PTGER3: variants seen among roughly 807,000 people sequenced by gnomAD.
The protein encoded by PTGER3 is prostaglandin E2 receptor EP3 subtype.
A neutral mutation model predicts 34.7 loss-of-function variants in PTGER3; 22 were observed. The observed-to-expected ratio is 0.63, with a 90% CI of 0.45 to 0.91. The LOEUF is 0.91. Among genes scored for constraint, PTGER3 ranks in the 40% least tolerant of loss-of-function variants. The probability of loss-of-function intolerance (pLI) is 0.00; values close to 1 mark genes in which losing one functional copy is unlikely to be tolerated. For missense variants in PTGER3, 468 were observed against 519.4 expected (o/e 0.90, Z 0.96); for synonymous variants, 241 against 230.1 (o/e 1.05, Z -0.43).
At chr1:70,959,008 G>A (rs1331547690) in intron 2 of PTGER3, among the ~76,000 whole-genome samples, 1 of 151,962 alleles carries the variant, frequency 6.6e-6, no homozygotes, top group Admixed American at 6.6e-5. Context: ...TTTATTTCTT[G>A]GTTCTCTATT....
At chr1:71,004,734 T>C (rs920720883) in intron 2 of PTGER3, among the ~76,000 whole-genome samples, 2 of 152,338 alleles carry the variant, frequency 1.3e-5, no homozygotes, top group South Asian at 2.1e-4. Context: ...GAGGCATCAA[T>C]AGAAAGATGA....
chr1:70,983,352 T>C (rs1036762233), intron 2 of PTGER3, among the ~76,000 whole-genome samples: 1 of 152,186 alleles, frequency 6.6e-6, no homozygotes, highest in African/African-American at 2.4e-5. Context: ...GAGTCAGTTA[T>C]TGAATATCAG....
At chr1:70,967,371 G>T (rs1158745587), downstream of PTGER3, among the ~76,000 whole-genome samples, 1 of 151,862 alleles carries the variant, frequency 6.6e-6, no homozygotes, top group Non-Finnish European at 1.5e-5. Context: ...TTCTCTGTAG[G>T]TGCTTTAAGT....
chr1:71,000,091 A>G (rs1192137970), intron 2 of PTGER3, among the ~76,000 whole-genome samples: 1 of 152,240 alleles, frequency 6.6e-6, no homozygotes, highest in Non-Finnish European at 1.5e-5. Context: ...CCAGACATTG[A>G]TAATAGAGTC....
Position 70,959,352 on chromosome 1 carries a change from A to AT in PTGER3, c.1078-5564dup, listed in dbSNP as rs11299533. Among the ~76,000 whole-genome samples the AT allele has an allele frequency of 5.0e-3, 674 of 135,464 alleles. 3 individuals carry two copies. The highest frequency in any genetic ancestry group is 9.2e-3 in the African/African-American group (334 of 36,312). The allele number at this position is 135,464 out of a possible 152,430, so 88.9% of individuals were successfully genotyped here. A position where few individuals can be genotyped will look rare whatever the true frequency, so the allele number is the denominator to read the frequency against. ...TTTCAATTTATTTGTGTCCTCTTCA[A>AT]TTTTTTTTTTTTTTTTGAGATGGAG... is the stretch of plus-strand genomic sequence containing the variant. On this transcript the variant is annotated intron_variant, in intron 2 of 3. Coordinates refer to the PTGER3 transcript ENST00000356595.
rs141818135 is a variant in PTGER3 at position 70,982,309 on chromosome 1, T to A, written c.1078-7921A>T. On this transcript the variant is annotated intron_variant, in intron 2 of 3. Transcript: ENST00000306666. ...CAGTCTTACACCTGCTGCCTCTCAC[T>A]TTGGGAATATCATTTGTGATTGGAC... Among the ~76,000 whole-genome samples the A allele has an allele frequency of 8.7e-4, 133 of 152,274 alleles. 1 individual carries two copies. Among genetic ancestry groups the A allele is most frequent in the African/African-American group, 3.1e-3 (127 of 41,542 alleles).
intron 4 of PTGER3, among the ~76,000 whole-genome samples, chr1:70,946,045 G>C (rs949365367): frequency 5.3e-5 from 8 of 152,038 alleles, no homozygotes; most frequent in Non-Finnish European, 1.0e-4. Context: ...CGAAACGGTA[G>C]CCAATATAGG....
At position 70,856,484 on chromosome 1, in the gene PTGER3, A is replaced by G. The variant is rs148395891; in HGVS notation, c.*24-3625T>C. ...AGCAGACATTGATAGTAACATCAGC[A>G]TCAAAACAGAGTTGCATTTCCCCAA... On this transcript the variant is annotated intron_variant, in intron 4 of 4. Transcript: ENST00000370931. 1.9e-4 allele frequency among the ~76,000 whole-genome samples: 29 copies of G among 151,544 alleles called. 1 individual carries two copies. The East Asian group carries it at 4.6e-3, about 24-fold the overall frequency.
At chr1:70,945,543 G>C (rs79290889) in intron 4 of PTGER3, among the ~76,000 whole-genome samples, 1 of 151,886 alleles carries the variant, frequency 6.6e-6, no homozygotes, top group Non-Finnish European at 1.5e-5. Context: ...TTTGGCACAG[G>C]TAAAGTTTTT....
Position 71,017,451 on chromosome 1 carries a change from G to T in PTGER3, c.898-4967C>A, listed in dbSNP as rs1658006382. On this transcript the variant is annotated intron_variant, in intron 1 of 3. Coordinates refer to ENST00000306666, the MANE Select transcript of PTGER3 (RefSeq NM_198719.2). ...TCAGACTTCTAACCTACAGAACAGA[G>T]AAATGTGTGTTGCTCTTAAGCCACT... 3.3e-5 allele frequency among the ~76,000 whole-genome samples: 5 copies of T among 152,238 alleles called. No individual in the cohort carries two copies. In the South Asian group the frequency reaches 1.0e-3, roughly 32 times the overall value.
chr1:70,957,530 C>T (rs1326418740), intron 2 of PTGER3, among the ~76,000 whole-genome samples: 1 of 152,122 alleles, frequency 6.6e-6, no homozygotes, highest in Non-Finnish European at 1.5e-5. Flanking sequence ...AATCTGACCA[C>T]TTTTGAATTT....
At chr1:71,011,026 C>A (rs1307391939) in intron 2 of PTGER3, 3 of 985,510 alleles carry the variant, frequency 3.0e-6, no homozygotes, top group Non-Finnish European at 3.6e-6. Flanking sequence ...AATGAATGCA[C>A]CAAAGAATAT....
intron 3 of PTGER3, among the ~76,000 whole-genome samples, chr1:70,973,121 CGTGTGTGTGTGTGTGTGT>C (rs71898506): frequency 7.0e-6 from 1 of 143,854 alleles, no homozygotes; most frequent in East Asian, 2.1e-4. Context: ...CCAGTGTGCA[CGTGTGTGTGTGTGTGTGT>C]GTGTGTGTGT....
chr1:70,951,940 T>A (rs1047193822), downstream of PTGER3, among the ~76,000 whole-genome samples: 4 of 152,082 alleles, frequency 2.6e-5, no homozygotes, highest in African/African-American at 9.7e-5. Flanking sequence ...GAAAAAATGC[T>A]TCGAGAAAGT....
chr1:70,950,306 A>G (rs1201553963), downstream of PTGER3, among the ~76,000 whole-genome samples: 1 of 152,214 alleles, frequency 6.6e-6, no homozygotes, highest in Non-Finnish European at 1.5e-5. Flanking sequence ...TTTCTACCTC[A>G]AACTCAAAGC....
At chr1:70,906,930 C>T (rs1186647513) in intron 4 of PTGER3, among the ~76,000 whole-genome samples, 2 of 152,160 alleles carry the variant, frequency 1.3e-5, no homozygotes, top group African/African-American at 2.4e-5. Context: ...GCTATCTTCT[C>T]ATAAAATTAA....
At chr1:70,989,910 CAT>C (rs1572868809) in intron 2 of PTGER3, among the ~76,000 whole-genome samples, 2 of 151,832 alleles carry the variant, frequency 1.3e-5, no homozygotes, top group East Asian at 1.9e-4. Flanking sequence ...CACACACACA[CAT>C]GCATATATAT....
chr1:70,885,511 G>A (rs1473223211), intron 4 of PTGER3, among the ~76,000 whole-genome samples: 1 of 152,098 alleles, frequency 6.6e-6, no homozygotes, highest in Non-Finnish European at 1.5e-5. Flanking sequence ...TATGGGTTAA[G>A]TGGTACATAT....
rs190171769 is a variant in PTGER3, at chr1:70,964,027, A to G, written c.1078-10238T>C. On this transcript the variant is annotated intron_variant, in intron 2 of 3. Coordinates refer to the PTGER3 transcript ENST00000356595. The stretch of plus-strand genomic sequence containing the variant: ...TAAAAGCCGTCAGTCTCTTTGCTAA[A>G]GCACAGCAAAAGTCACCTTTGTTCC... 2.0e-5 allele frequency among the ~76,000 whole-genome samples: 3 copies of G among 152,330 alleles called. No homozygotes were observed. The East Asian group carries it at 5.8e-4, about 29-fold the overall frequency.
Sources: gnomAD v4.1 joint callset for allele counts (sites outside exome capture counted in the v4.1 genomes callset) on GRCh38, gnomAD v4.1.1 for gene constraint, MANE v1.5 for transcripts, NCBI Gene and HGNC (gene_info 2026-07-23, HGNC 2026-07-21) for gene names.